The following CPNE4 variants were observed in gnomAD, a reference collection of about 807,000 sequenced individuals.
CPNE4 encodes copine 4, also known as copine-4.
CPNE4 carries 25 observed loss-of-function variants against 67.9 expected under a neutral mutation model. The observed-to-expected ratio is 0.37, with a 90% CI of 0.27 to 0.51. The LOEUF (loss-of-function observed/expected upper bound fraction) is 0.51. CPNE4 is among the 20% of genes least tolerant of loss of function. The pLI is 0.93. For missense variants in CPNE4, 464 were observed against 690.8 expected (o/e 0.67, Z 3.68); for synonymous variants, 242 against 244.9 (o/e 0.99, Z 0.11).
chr3:131,584,200 C>T (rs1443322496), intron 8 of CPNE4, among the ~76,000 whole-genome samples: 4 of 152,146 alleles, frequency 2.6e-5, no homozygotes, highest in Non-Finnish European at 5.9e-5. Flanking sequence ...CCTGTACCTT[C>T]TCTTCAGTCC....
At chr3:131,878,057 G>A (rs2087526954) in intron 2 of CPNE4, among the ~76,000 whole-genome samples, 1 of 152,166 alleles carries the variant, frequency 6.6e-6, no homozygotes, top group South Asian at 2.1e-4. Context: ...TACAAACCTT[G>A]TAGAAAACTG....
rs559509753 is a variant in CPNE4 at position 131,818,529 on chromosome 3, A to G, written c.180+86735T>C. On this transcript the variant is annotated intron_variant, in intron 2 of 15. Coordinates refer to ENST00000429747, the MANE Select transcript of CPNE4 (RefSeq NM_130808.3). Reference sequence around the variant, plus strand: ...GCATTATTTAAATTCTCACTACTCAAAGTGTGGTCCATGGAACAGCAGCAT... The same window carrying G: ...GCATTATTTAAATTCTCACTACTCAGAGTGTGGTCCATGGAACAGCAGCAT... Among the ~76,000 whole-genome samples the G allele has an allele frequency of 2.3e-4, 35 of 152,292 alleles. 1 individual carries two copies. Among genetic ancestry groups the G allele is most frequent in the African/African-American group, 8.2e-4 (34 of 41,568 alleles).
intron 7 of CPNE4, among the ~76,000 whole-genome samples, chr3:131,632,275 G>T (rs1317602463): frequency 6.6e-6 from 1 of 151,930 alleles, no homozygotes; most frequent in Non-Finnish European, 1.5e-5. Context: ...CTCCTAAAGT[G>T]CTGGGATTAC....
intron 2 of CPNE4, among the ~76,000 whole-genome samples, chr3:131,837,593 G>A (rs565661050): frequency 1.8e-4 from 27 of 152,056 alleles, no homozygotes; most frequent in African/African-American, 5.8e-4. Context: ...GTGAGTGATA[G>A]AATAGATCTA....
intron 2 of CPNE4, among the ~76,000 whole-genome samples, chr3:131,802,365 G>A (rs1045950779): frequency 2.6e-5 from 4 of 151,980 alleles, no homozygotes; most frequent in Admixed American, 2.0e-4. Context: ...TACAGAAAAG[G>A]GTCAAGAAAA....
chr3:131,850,150 A>AT (rs1202471258), intron 2 of CPNE4, among the ~76,000 whole-genome samples: 1 of 151,916 alleles, frequency 6.6e-6, no homozygotes, highest in Non-Finnish European at 1.5e-5. Flanking sequence ...ACATTTTTAA[A>AT]TTTTTTTTGC....
intron 1 of CPNE4, among the ~76,000 whole-genome samples, chr3:131,951,594 G>A (rs1360112903): frequency 7.0e-6 from 1 of 143,222 alleles, no homozygotes; most frequent in Non-Finnish European, 1.5e-5. Context: ...CTCTTTCCAT[G>A]GTCTCCCTCT....
intron 7 of CPNE4, among the ~76,000 whole-genome samples, chr3:131,656,710 C>G (rs1158764796): frequency 2.0e-5 from 3 of 152,190 alleles, no homozygotes; most frequent in African/African-American, 7.2e-5. Flanking sequence ...AGGACTCAAA[C>G]TATAAACATG....
chr3:131,997,905 G>A (rs558029535), intron 1 of CPNE4, among the ~76,000 whole-genome samples: 7 of 152,188 alleles, frequency 4.6e-5, no homozygotes, highest in African/African-American at 1.4e-4. Context: ...TTTCATGAGG[G>A]CTGAACTCTC....
chr3:131,828,950 C>T (rs1231742634), intron 2 of CPNE4, among the ~76,000 whole-genome samples: 2 of 152,154 alleles, frequency 1.3e-5, no homozygotes, highest in African/African-American at 4.8e-5. Flanking sequence ...TAAAGACATA[C>T]CTGAGACTGG....
chr3:131,717,902 CTTTCTT>C (rs1182745232), intron 3 of CPNE4, among the ~76,000 whole-genome samples: 34 of 129,292 alleles, frequency 2.6e-4, no homozygotes, highest in East Asian at 7.7e-4. Context: ...TTCTTTCTTT[CTTTCTT>C]TCTTTCTTTC....
chr3:132,010,389 T>G (rs1452048558), intron 1 of CPNE4, among the ~76,000 whole-genome samples: 2 of 151,900 alleles, frequency 1.3e-5, no homozygotes, highest in African/African-American at 4.8e-5. Flanking sequence ...ACCAAACGCT[T>G]CAATAATCTG....
intron 2 of CPNE4, among the ~76,000 whole-genome samples, chr3:131,877,186 C>A (rs1165305565): frequency 3.3e-5 from 5 of 151,966 alleles, no homozygotes; most frequent in African/African-American, 9.7e-5. Context: ...GTTGTAGGGA[C>A]AAAATTTTGT....
At chr3:131,722,826 A>G (rs576468302) in intron 3 of CPNE4, among the ~76,000 whole-genome samples, 1 of 152,244 alleles carries the variant, frequency 6.6e-6, no homozygotes, top group East Asian at 1.9e-4. Context: ...GTTTAGAGTC[A>G]GGAAGACCTA....
intron 9 of CPNE4, among the ~76,000 whole-genome samples, chr3:131,579,453 T>A (rs72999217): frequency 0.025 from 3,866 of 152,270 alleles, 84 homozygotes; most frequent in African/African-American, 0.066. Context: ...AATTTCAACT[T>A]TCAAGTCTTC....
chr3:132,024,637 T>C (rs1180716668), intron 1 of CPNE4, among the ~76,000 whole-genome samples: 1 of 152,234 alleles, frequency 6.6e-6, no homozygotes, highest in Non-Finnish European at 1.5e-5. Flanking sequence ...TGAAATATAA[T>C]ATCCAGAAGG....
chr3:131,688,088 T>A (rs2080939539), intron 5 of CPNE4, among the ~76,000 whole-genome samples: 1 of 152,194 alleles, frequency 6.6e-6, no homozygotes, highest in African/African-American at 2.4e-5. Context: ...TTGAAGGATT[T>A]TGAGCAGAAA....
intron 1 of CPNE4, among the ~76,000 whole-genome samples, chr3:131,927,776 C>T (rs1298838589): frequency 6.6e-6 from 1 of 152,228 alleles, no homozygotes; most frequent in Non-Finnish European, 1.5e-5. Context: ...CTACTTCCCT[C>T]ATCGCCACCA....
chr3:131,555,489 T>G lies in CPNE4; in HGVS notation c.1116+8A>C. On this transcript the variant is annotated splice_region_variant and intron_variant, in intron 12 of 15. Coordinates refer to ENST00000429747, the MANE Select transcript of CPNE4 (RefSeq NM_130808.3). ...AAGTGGAAGAAGATCACATCTCCAC[T>G]CACTCACCGTGTACTCTGGAGGTAT... The G allele has an allele frequency of 6.2e-7, 1 of 1,611,368 alleles. No homozygotes were observed. Among genetic ancestry groups the G allele is most frequent in the Non-Finnish European group, 8.5e-7 (1 of 1,178,342 alleles).
Sources: gnomAD v4.1 joint callset for allele counts (sites outside exome capture counted in the v4.1 genomes callset) on GRCh38, gnomAD v4.1.1 for gene constraint, MANE v1.5 for transcripts, NCBI Gene and HGNC (gene_info 2026-07-23, HGNC 2026-07-21) for gene names.